OR2AT4: variants seen among roughly 807,000 people sequenced by gnomAD.
The protein encoded by OR2AT4 is olfactory receptor 2AT4.
A neutral mutation model predicts 10.3 loss-of-function variants in OR2AT4; 6 were observed. That is an observed-to-expected ratio of 0.58 (90% CI 0.32 to 1.15). The LOEUF (loss-of-function observed/expected upper bound fraction) is 1.15, where lower values mean the gene tolerates loss of function less well. Ranked by LOEUF, OR2AT4 falls within the 50% of genes most tolerant of loss-of-function variation. OR2AT4 has a pLI of 0.05. For synonymous variants in OR2AT4, 145 were observed against 159.1 expected, an observed-to-expected ratio of 0.91 and a Z score of 0.67; for missense variants, 354 against 393.8, an observed-to-expected ratio of 0.90 and a Z score of 0.85.
chr11:75,086,213 A>G (rs948071884), exon 2 of OR2AT4: 4 of 152,204 alleles, frequency 2.6e-5, no homozygotes, highest in Admixed American at 6.5e-5. Flanking sequence ...AATGAAATCA[A>G]AAATAGAAAA....
chr11:75,093,293 G>A (rs1949329204), intron 1 of OR2AT4, among the ~76,000 whole-genome samples: 1 of 152,192 alleles, frequency 6.6e-6, no homozygotes, highest in South Asian at 2.1e-4. Context: ...ACGCTGTTCA[G>A]CAGGTGTTTC....
At chr11:75,087,803 T>C (rs945209153) in exon 2 of OR2AT4, 1 of 152,224 alleles carries the variant, frequency 6.6e-6, no homozygotes, top group African/African-American at 2.4e-5. Context: ...GTGGGGTTTT[T>C]CTTTCTGATT....
chr11:75,082,223 A>G (rs1024315767), exon 2 of OR2AT4: 1 of 152,166 alleles, frequency 6.6e-6, no homozygotes, highest in African/African-American at 2.4e-5. Flanking sequence ...ATAAAGCTGC[A>G]TACCTACAGC....
chr11:75,091,170 A>G (rs1315881475), intron 1 of OR2AT4, among the ~76,000 whole-genome samples: 1 of 152,172 alleles, frequency 6.6e-6, no homozygotes, highest in Non-Finnish European at 1.5e-5. Flanking sequence ...ACCTTACTCT[A>G]CCTGCCTAAC....
At chr11:75,081,948 T>C (rs1949269108) in exon 2 of OR2AT4, 1 of 152,240 alleles carries the variant, frequency 6.6e-6, no homozygotes, top group Non-Finnish European at 1.5e-5. Context: ...ATGACCATAC[T>C]GCCCACAGCA....
intron 1 of OR2AT4, among the ~76,000 whole-genome samples, chr11:75,090,651 T>C (rs1949316807): frequency 1.3e-5 from 2 of 152,292 alleles, no homozygotes; most frequent in South Asian, 2.1e-4. Context: ...AGACTTGTGA[T>C]AGTCAAAAAA....
exon 2 of OR2AT4, chr11:75,081,949 G>A (rs886285620): frequency 6.6e-6 from 1 of 152,044 alleles, no homozygotes; most frequent in Non-Finnish European, 1.5e-5. Flanking sequence ...TGACCATACT[G>A]CCCACAGCAA....
At chr11:75,093,804 C>CTTTTTTTTTTTTTTTTTTTT (rs1166766222) in intron 1 of OR2AT4, among the ~76,000 whole-genome samples, 2 of 88,368 alleles carry the variant, frequency 2.3e-5, no homozygotes, top group Non-Finnish European at 4.5e-5. Flanking sequence ...TTTTCTTTTT[C>CTTTTTTTTTTTTTTTTTTTT]TTTTTCTTTT....
chr11:75,092,237 A>G (rs1049755903), intron 1 of OR2AT4, among the ~76,000 whole-genome samples: 2 of 152,226 alleles, frequency 1.3e-5, no homozygotes, highest in African/African-American at 4.8e-5. Flanking sequence ...TGTTGGTAAG[A>G]TATGTAGTAA....
exon 2 of OR2AT4, chr11:75,086,526 A>G (rs1949291615): frequency 6.6e-6 from 1 of 152,202 alleles, no homozygotes. Context: ...CAGGCAAAAG[A>G]TCTGGACAGA....
rs1318019037 is a variant in OR2AT4, at chr11:75,089,587, T to A, written c.127A>T (p.Ile43Phe). Residue 43 changes from isoleucine to phenylalanine, a missense_variant, in exon 2 of 2, where the codon ATC (isoleucine) becomes TTC (phenylalanine). Coordinates refer to ENST00000641504, the Ensembl canonical transcript of OR2AT4. ...AGGATCAGGGCATTACCCATCAGGA[T>A]GAGAAGGTAGAAGAGGAGGAAAATA... The A allele has an allele frequency of 3.1e-6, 5 of 1,613,774 alleles. No homozygotes were observed. Among genetic ancestry groups the A allele is most frequent in the African/African-American group, 2.7e-5 (2 of 74,826 alleles).
chr11:75,091,299 C>T (rs750735290), intron 1 of OR2AT4, among the ~76,000 whole-genome samples: 1 of 152,070 alleles, frequency 6.6e-6, no homozygotes, highest in Non-Finnish European at 1.5e-5. Flanking sequence ...ATGTGACCAA[C>T]AATCAAGAGG....
At chr11:75,092,489 GAT>G (rs1326420782) in intron 1 of OR2AT4, among the ~76,000 whole-genome samples, 1 of 152,144 alleles carries the variant, frequency 6.6e-6, no homozygotes, top group Non-Finnish European at 1.5e-5. Context: ...TCTATGTAGA[GAT>G]ATAGATCAGC....
chr11:75,084,950 A>C (rs1470030891), exon 2 of OR2AT4: 5 of 152,190 alleles, frequency 3.3e-5, no homozygotes, highest in Admixed American at 3.3e-4. Flanking sequence ...TCTCGTATCA[A>C]TGATCTAATC....
chr11:75,092,914 A>T (rs1949326867), intron 1 of OR2AT4, among the ~76,000 whole-genome samples: 2 of 152,148 alleles, frequency 1.3e-5, no homozygotes, highest in Admixed American at 6.5e-5. Flanking sequence ...AGCCTGACCA[A>T]CATGGTGAAA....
chr11:75,089,149 C>T (rs757163728), exon 2 of OR2AT4: 6 of 1,614,000 alleles, frequency 3.7e-6, no homozygotes, highest in East Asian at 2.2e-5. Flanking sequence ...GCCTGGACCA[C>T]AGCCAGATGA....
exon 2 of OR2AT4, chr11:75,085,975 G>C (rs1034457918): frequency 6.6e-6 from 1 of 151,986 alleles, no homozygotes; most frequent in African/African-American, 2.4e-5. Context: ...GTGTGGTATC[G>C]GTAAAGGATA....
At chr11:75,089,498 G>A in exon 2 of OR2AT4, 1 of 1,614,194 alleles carries the variant, frequency 6.2e-7, no homozygotes, top group Non-Finnish European at 8.5e-7. Context: ...TGTCCAAGGT[G>A]GAGAGATTGA....
chr11:75,081,885 A>G (rs1949268926), exon 2 of OR2AT4: 1 of 152,224 alleles, frequency 6.6e-6, no homozygotes, highest in South Asian at 2.1e-4. Flanking sequence ...GATGAAACAA[A>G]GAAATGGACA....
Sources: allele counts gnomAD v4.1 joint callset (sites outside exome capture counted in the v4.1 genomes callset), GRCh38; gene constraint gnomAD v4.1.1; transcripts MANE v1.5; gene names NCBI Gene and HGNC (gene_info 2026-07-23, HGNC 2026-07-21).